The following EGFL6 variants were observed in gnomAD, a reference collection of about 807,000 sequenced individuals.
The protein encoded by EGFL6 is epidermal growth factor-like protein 6.
A neutral mutation model predicts 43.1 loss-of-function variants in EGFL6; 42 were observed. The ratio of observed to expected loss-of-function variants is 0.98; its 90% CI spans 0.76 to 1.26. The LOEUF is 1.26. EGFL6 is among the 50% of genes most tolerant of loss of function. EGFL6 has a pLI of 0.00. For missense variants in EGFL6, 429 were observed against 427.8 expected (o/e 1.00, Z -0.02); for synonymous variants, 164 against 163.2 (o/e 1.01, Z -0.04).
chrX:13,612,553 C>T (rs2045695895), intron 7 of EGFL6, among the ~76,000 whole-genome samples: 1 of 111,551 alleles, frequency 9.0e-6, no homozygotes, highest in African/African-American at 3.3e-5. Flanking sequence ...TCTCAATGAG[C>T]TGTTGGGTAC....
intron 1 of EGFL6, among the ~76,000 whole-genome samples, chrX:13,582,829 C>T (rs940846182): frequency 2.9e-4 from 32 of 111,587 alleles, no homozygotes; most frequent in Non-Finnish European, 5.6e-4. Context: ...TTGACTGGTA[C>T]ATATGAAGTA....
chrX:13,570,477 T>C (rs753884695), intron 1 of EGFL6, among the ~76,000 whole-genome samples: 1 of 111,648 alleles, frequency 9.0e-6, no homozygotes. Context: ...CTGATTAGGG[T>C]TGATGAACTG....
Position 13,616,683 on chromosome X carries a change from C to T in EGFL6, c.779-1047C>T, listed in dbSNP as rs183617471. On this transcript the variant is annotated intron_variant, in intron 7 of 11. Coordinates refer to ENST00000361306, the MANE Select transcript of EGFL6 (RefSeq NM_015507.4). ...CTCTACTGCCAAATCTTAGCTCCGTCCCTAACATGATGAGTGCCTTTGGGC... is the reference window on the plus strand; with the variant it reads ...CTCTACTGCCAAATCTTAGCTCCGTTCCTAACATGATGAGTGCCTTTGGGC... 6.0e-3 allele frequency among the ~76,000 whole-genome samples: 667 copies of T among 111,574 alleles called. 2 individuals are homozygous for T. The highest frequency in any genetic ancestry group is 0.02 in the African/African-American group (615 of 30,787).
intron 11 of EGFL6, among the ~76,000 whole-genome samples, chrX:13,627,478 CATATCACGTTCTATGG>C (rs2045787964): frequency 8.9e-6 from 1 of 111,873 alleles, no homozygotes; most frequent in African/African-American, 3.3e-5. Flanking sequence ...CTGGCGTATG[CATATCACGTTCTATGG>C]AAATAACCTG....
chrX:13,617,014 C>T (rs965835463), intron 7 of EGFL6, among the ~76,000 whole-genome samples: 5 of 109,560 alleles, frequency 4.6e-5, no homozygotes, highest in Admixed American at 9.6e-5. Context: ...GGACTACAGG[C>T]GCCCGCCACC....
chrX:13,633,003 C>T lies in EGFL6; in HGVS notation c.1570C>T (p.Arg524Cys), dbSNP rs748749681. ...ATKSIIFEAE[R>C]GKGKTGEIAV... is the part of the protein sequence containing the mutation. ...TTATTAGATCATTTTTGAAGCAGAA[C>T]GTGGCAAGGGCAAAACCGGCGAAAT... Residue 524 changes from arginine to cysteine, a missense_variant, in exon 12 of 12, where the codon CGT becomes TGT. Coordinates refer to ENST00000361306, the MANE Select transcript of EGFL6 (RefSeq NM_015507.4). The T allele has an allele frequency of 9.1e-6, 11 of 1,205,844 alleles. No individual in the cohort carries two copies. Among genetic ancestry groups the T allele is most frequent in the Admixed American group, 6.7e-5 (3 of 44,888 alleles).
chrX:13,587,572 T>C (rs2045540551), intron 1 of EGFL6, among the ~76,000 whole-genome samples: 2 of 111,998 alleles, frequency 1.8e-5, no homozygotes, highest in Admixed American at 1.9e-4. Flanking sequence ...TGCTACAGAA[T>C]ATTGGAGTTT....
Position 13,608,414 on chromosome X carries a change from A to C in EGFL6, c.746A>C (p.Gln249Pro). The stretch of plus-strand genomic sequence containing the variant: ...GGGTCCTTCAAGTGTAAATGCAAGC[A>C]GGGATATAAAGGCAATGGACTTCGG... ...TQGSFKCKCKQGYKGNGLRCS... is the reference protein window; with the variant it reads ...TQGSFKCKCKPGYKGNGLRCS... The change falls in exon 7 of 12, where the codon CAG (glutamine) becomes CCG (proline). Residue 249 changes from glutamine (Q) to proline (P), a missense_variant. Physicochemically the swap from Gln to Pro is moderately conservative, Grantham distance 76. Coordinates refer to ENST00000361306, the MANE Select transcript of EGFL6 (RefSeq NM_015507.4). The C allele has an allele frequency of 1.7e-6, 2 of 1,211,622 alleles. No individual in the cohort carries two copies.
At chrX:13,609,446 C>A (rs1293766279) in intron 7 of EGFL6, among the ~76,000 whole-genome samples, 3 of 112,224 alleles carry the variant, frequency 2.7e-5, no homozygotes, top group Non-Finnish European at 5.6e-5. Flanking sequence ...CAATATCTTA[C>A]AATGTTTAAA....
chrX:13,577,298 TTATATATATATATATATATATATATATA>T (rs1199851773), intron 1 of EGFL6, among the ~76,000 whole-genome samples: 1 of 24,479 alleles, frequency 4.1e-5, no homozygotes, highest in African/African-American at 1.5e-4. Flanking sequence ...TATATGAATT[TTATATATATATATATATATATATATATA>T]TATATATATA....
chrX:13,604,817 A>G (rs771498230), intron 5 of EGFL6, among the ~76,000 whole-genome samples: 13 of 112,199 alleles, frequency 1.2e-4, no homozygotes, highest in African/African-American at 4.2e-4. Context: ...AGAAGCACAT[A>G]TCAGTATGAT....
At chrX:13,613,910 CT>C (rs1008754009) in intron 7 of EGFL6, among the ~76,000 whole-genome samples, 1 of 111,337 alleles carries the variant, frequency 9.0e-6, no homozygotes, top group African/African-American at 3.3e-5. Flanking sequence ...CATTTTTTTT[CT>C]TCAATTATAA....
chrX:13,619,811 G>T (rs976448989), intron 9 of EGFL6, among the ~76,000 whole-genome samples: 1 of 111,450 alleles, frequency 9.0e-6, no homozygotes, highest in African/African-American at 3.3e-5. Context: ...TGCTGATCTT[G>T]GCTGTGCTTT....
chrX:13,594,906 C>T lies in EGFL6; in HGVS notation c.258C>T (p.Tyr86=), dbSNP rs143273298. ...GPNKCRCFPG[Y]TGKTCSQDVN... ...ACAAATGCAGATGCTTTCCAGGATA[C>T]ACCGGGAAAACCTGCAGTCAAGGTC... The change falls in exon 3 of 12, where the codon TAC becomes TAT. Residue 86 remains tyrosine, a synonymous_variant. Transcript: ENST00000361306. 4.1e-6 allele frequency: 5 copies of T among 1,209,116 alleles called. No homozygotes were observed. Among genetic ancestry groups the T allele is most frequent in the Non-Finnish European group, 5.6e-6 (5 of 893,502 alleles).
chrX:13,611,298 G>A (rs1162781119), intron 7 of EGFL6, among the ~76,000 whole-genome samples: 1 of 111,996 alleles, frequency 8.9e-6, no homozygotes, highest in Non-Finnish European at 1.9e-5. Flanking sequence ...GCTCATTAAA[G>A]TTCGCTGTGA....
intron 10 of EGFL6, among the ~76,000 whole-genome samples, chrX:13,624,559 G>A (rs777794054): frequency 4.5e-5 from 5 of 111,096 alleles, no homozygotes; most frequent in African/African-American, 9.8e-5. Flanking sequence ...CACTATTGAC[G>A]GACCCTAACT....
Position 13,569,852 on chromosome X carries a change from C to G in EGFL6, c.-10C>G. 1 of 1,211,261 alleles carries G rather than the reference C, an allele frequency of 8.3e-7. No homozygotes were observed. Among genetic ancestry groups the G allele is most frequent in the Non-Finnish European group, 1.1e-6 (1 of 894,837 alleles). On this transcript the variant is annotated 5_prime_UTR_variant, in exon 1 of 12. Coordinates refer to ENST00000361306, the MANE Select transcript of EGFL6 (RefSeq NM_015507.4). ...GGGGCTCAGGAGGAGGAAGGAGGACCCGTGCGAGAATGCCTCTGCCCTGGA... is the reference window on the plus strand; with the variant it reads ...GGGGCTCAGGAGGAGGAAGGAGGACGCGTGCGAGAATGCCTCTGCCCTGGA...
intron 7 of EGFL6, among the ~76,000 whole-genome samples, chrX:13,609,284 T>C (rs180807108): frequency 2.9e-4 from 32 of 112,210 alleles, no homozygotes; most frequent in African/African-American, 9.7e-4. Context: ...GCTGTTAGTT[T>C]ATTCAGCTTG....
intron 6 of EGFL6, among the ~76,000 whole-genome samples, chrX:13,607,687 A>T (rs771788148): frequency 8.9e-6 from 1 of 112,707 alleles, no homozygotes; most frequent in Non-Finnish European, 1.9e-5. Flanking sequence ...TTTAAAGGTG[A>T]CTAAGATTAA....
Sources: allele counts gnomAD v4.1 joint callset (sites outside exome capture counted in the v4.1 genomes callset), GRCh38; gene constraint gnomAD v4.1.1; transcripts MANE v1.5; gene names NCBI Gene and HGNC (gene_info 2026-07-23, HGNC 2026-07-21).